The following MTUS2 variants were observed in gnomAD, a reference collection of about 807,000 sequenced individuals.
MTUS2 encodes microtubule associated scaffold protein 2.
In MTUS2, 40 loss-of-function variants were observed where a neutral mutation model predicts 114.1. That is an observed-to-expected ratio of 0.35 (90% CI 0.27 to 0.46). The LOEUF (loss-of-function observed/expected upper bound fraction) is 0.46. MTUS2 is among the 20% of genes least tolerant of loss of function. The pLI is 1.00. For synonymous variants in MTUS2, 688 were observed against 672.0 expected (o/e 1.02, Z -0.37); for missense variants, 1,679 against 1,705.4 (o/e 0.98, Z 0.27).
chr13:29,381,298 G>T (rs1815024187), intron 8 of MTUS2, among the ~76,000 whole-genome samples: 1 of 152,140 alleles, frequency 6.6e-6, no homozygotes, highest in African/African-American at 2.4e-5. Flanking sequence ...GGAGGAAAAT[G>T]CCCAAAATTC....
intron 2 of MTUS2, among the ~76,000 whole-genome samples, chr13:29,012,953 G>A (rs1885917038): frequency 1.3e-5 from 2 of 152,196 alleles, no homozygotes; most frequent in African/African-American, 4.8e-5. Flanking sequence ...AACCAGGTGT[G>A]AGTTACTAGG....
At chr13:28,940,053 C>G (rs1882141214) in intron 2 of MTUS2, among the ~76,000 whole-genome samples, 1 of 152,166 alleles carries the variant, frequency 6.6e-6, no homozygotes, top group East Asian at 1.9e-4. Context: ...CCCACTGGTT[C>G]CCTCCCATGA....
chr13:28,937,235 C>G (rs908626347), intron 2 of MTUS2, among the ~76,000 whole-genome samples: 1 of 152,130 alleles, frequency 6.6e-6, no homozygotes, highest in African/African-American at 2.4e-5. Flanking sequence ...AATCAACACA[C>G]TGTAGGTAGC....
At chr13:29,427,256 C>T in intron 8 of MTUS2, among the ~76,000 whole-genome samples, 1 of 152,132 alleles carries the variant, frequency 6.6e-6, no homozygotes. Context: ...TGAATCTTTC[C>T]AAAGCTTTAT....
chr13:29,085,830 C>T (rs1426913644), intron 4 of MTUS2, among the ~76,000 whole-genome samples: 2 of 152,036 alleles, frequency 1.3e-5, no homozygotes, highest in Non-Finnish European at 2.9e-5. Context: ...AGGTCAAAAT[C>T]AGTTCTAAGT....
intron 4 of MTUS2, among the ~76,000 whole-genome samples, chr13:29,084,079 A>G (rs1334246829): frequency 6.6e-6 from 1 of 152,164 alleles, no homozygotes; most frequent in Non-Finnish European, 1.5e-5. Context: ...TAATTTGTTT[A>G]AATTTAATGA....
chr13:29,492,577 G>A, intron 11 of MTUS2, 69 bp from the exon 12 acceptor site: 3 of 1,320,706 alleles, frequency 2.3e-6, no homozygotes, highest in Admixed American at 1.8e-5. Context: ...TCTTAAGTCT[G>A]CCAAAAGAGC....
intron 5 of MTUS2, among the ~76,000 whole-genome samples, chr13:29,178,347 A>G (rs775595614): frequency 1.3e-5 from 2 of 152,106 alleles, no homozygotes; most frequent in Admixed American, 6.5e-5. Context: ...CCCCAGATTT[A>G]AAGTGAATTG....
Position 29,480,196 on chromosome 13 carries a change from G to A in MTUS2, c.3231G>A (p.Glu1077=), listed in dbSNP as rs1423080717. 2.3e-5 allele frequency: 36 copies of A among 1,557,276 alleles called. No homozygotes were observed. In the Admixed American group the frequency reaches 6.9e-4, roughly 30 times the overall value. ...AGAAACTACAAAAGGAGAAGGAGGA[G>A]CTGGAGAGGCGGTTCGAGGACGAGG... ...KCEKLQKEKE[E]LERRFEDEVK... Residue 1077 remains glutamate, a synonymous_variant, in exon 10 of 16, where the codon GAG becomes GAA. Transcript: ENST00000612955. The surrounding 1 kb of genome is among the most constrained non-coding windows in gnomAD (Gnocchi z 4.4).
chr13:29,394,959 GA>G, intron 8 of MTUS2, among the ~76,000 whole-genome samples: 1 of 152,258 alleles, frequency 6.6e-6, no homozygotes, highest in South Asian at 2.1e-4. Context: ...CCCCTTTCAC[GA>G]AATCAGTCCC....
intron 2 of MTUS2, among the ~76,000 whole-genome samples, chr13:28,889,458 G>C (rs1220891189): frequency 6.6e-6 from 1 of 152,124 alleles, no homozygotes; most frequent in Non-Finnish European, 1.5e-5. Context: ...CTTGTCATTA[G>C]GTAATAACTC....
At chr13:29,226,670 A>C (rs1896117957) in intron 5 of MTUS2, among the ~76,000 whole-genome samples, 1 of 56,778 alleles carries the variant, frequency 1.8e-5, no homozygotes, top group Non-Finnish European at 3.3e-5. Flanking sequence ...ATTCCTTAAA[A>C]CTTGAATTAC....
At chr13:29,154,246 G>T (rs1231329395) in intron 5 of MTUS2, among the ~76,000 whole-genome samples, 2 of 152,124 alleles carry the variant, frequency 1.3e-5, no homozygotes, top group Non-Finnish European at 2.9e-5. Flanking sequence ...TTAAACTCTG[G>T]ATTTTCATCA....
chr13:29,503,985 C>T lies in MTUS2; in HGVS notation c.*779C>T, dbSNP rs1566244297. The stretch of plus-strand genomic sequence containing the variant: ...GGGTTTAGCAGTTTTGCAGATGTTA[C>T]CCATGACAGTGACTCATCTCTGATA... On this transcript the variant is annotated 3_prime_UTR_variant, in exon 16 of 16. Transcript: ENST00000612955. The T allele has an allele frequency of 4.3e-6, 1 of 231,030 alleles. No homozygotes were observed. The allele number at this position is 231,030 out of a possible 1,614,324, so 14.3% of individuals were successfully genotyped here. A position where few individuals can be genotyped will look rare whatever the true frequency, so the allele number is the denominator to read the frequency against.
At chr13:29,056,401 T>A (rs542583062) in intron 4 of MTUS2, among the ~76,000 whole-genome samples, 7 of 152,138 alleles carry the variant, frequency 4.6e-5, no homozygotes, top group African/African-American at 1.7e-4. Flanking sequence ...TTGGAATAGT[T>A]TCAGTGGAAA....
chr13:29,331,426 G>C (rs1483831996), intron 7 of MTUS2, among the ~76,000 whole-genome samples: 4 of 152,026 alleles, frequency 2.6e-5, no homozygotes, highest in Non-Finnish European at 1.5e-5. Context: ...TGCTTTATTT[G>C]TTTCTCTTGC....
chr13:29,422,956 A>C (rs1482460555), intron 8 of MTUS2, among the ~76,000 whole-genome samples: 4 of 152,110 alleles, frequency 2.6e-5, no homozygotes, highest in Non-Finnish European at 5.9e-5. Context: ...GCCAAATTAC[A>C]ACAGTCTAAA....
intron 2 of MTUS2, among the ~76,000 whole-genome samples, chr13:28,861,541 T>C (rs57520383): frequency 0.097 from 14,633 of 151,476 alleles, 796 homozygotes; most frequent in South Asian, 0.21. Context: ...AGAAGCAAAA[T>C]GCCTGGCATT....
rs115314472 is a variant in MTUS2 at position 29,369,741 on chromosome 13, A to G, written c.3117+10268A>G. On this transcript the variant is annotated intron_variant, in intron 8 of 15. Coordinates refer to ENST00000612955, the MANE Select transcript of MTUS2 (RefSeq NM_001033602.4). Reference sequence around the variant, plus strand: ...AAGAAAAACATTTAAAATCCAAAATAGTGAAACTCTATTACACGACAGTAT... The same window carrying G: ...AAGAAAAACATTTAAAATCCAAAATGGTGAAACTCTATTACACGACAGTAT... Among the ~76,000 whole-genome samples the G allele has an allele frequency of 8.4e-4, 128 of 152,342 alleles. 1 individual carries two copies. Among genetic ancestry groups the G allele is most frequent in the Middle Eastern group, 3.4e-3 (1 of 294 alleles).
Sources: allele counts gnomAD v4.1 joint callset (sites outside exome capture counted in the v4.1 genomes callset), GRCh38; gene constraint gnomAD v4.1.1; non-coding constraint Gnocchi (gnomAD v3.1); transcripts MANE v1.5; gene names NCBI Gene and HGNC (gene_info 2026-07-23, HGNC 2026-07-21).